The following FAM174A variants were observed in gnomAD, a reference collection of about 807,000 sequenced individuals.
FAM174A encodes family with sequence similarity 174 member A, also known as membrane protein FAM174A.
Under a neutral mutation model 14.3 loss-of-function variants are expected in FAM174A, and 14 were observed. The ratio of observed to expected loss-of-function variants is 0.98; its 90% confidence interval spans 0.65 to 1.53. The LOEUF (loss-of-function observed/expected upper bound fraction) is 1.53. Ranked by LOEUF, FAM174A falls within the 40% of genes most tolerant of loss-of-function variation. The probability of loss-of-function intolerance (pLI) is 0.00; values close to 1 mark genes in which losing one functional copy is unlikely to be tolerated. For synonymous variants in FAM174A, 108 were observed against 111.4 expected (o/e 0.97, Z 0.19); for missense variants, 241 against 249.6 (o/e 0.97, Z 0.23).
intron 2 of FAM174A, among the ~76,000 whole-genome samples, chr5:100,584,099 A>G (rs1480063917): frequency 1.3e-5 from 2 of 152,182 alleles, no homozygotes; most frequent in Non-Finnish European, 2.9e-5. Flanking sequence ...GGGACAAAGC[A>G]TCAGTGGAAC....
At chr5:100,582,656 A>T (rs1747045020) in intron 2 of FAM174A, among the ~76,000 whole-genome samples, 1 of 152,140 alleles carries the variant, frequency 6.6e-6, no homozygotes, top group African/African-American at 2.4e-5. Flanking sequence ...GTTAGGCAAT[A>T]AGAGAGTAAA....
At chr5:100,541,037 A>C (rs1023190492) in intron 1 of FAM174A, among the ~76,000 whole-genome samples, 2 of 152,240 alleles carry the variant, frequency 1.3e-5, no homozygotes, top group Admixed American at 1.3e-4. Flanking sequence ...GGAGATTTGT[A>C]GGACAATGCT....
chr5:100,539,224 T>G (rs1309350260), intron 1 of FAM174A, among the ~76,000 whole-genome samples: 1 of 152,130 alleles, frequency 6.6e-6, no homozygotes, highest in African/African-American at 2.4e-5. Flanking sequence ...AACTGACCAG[T>G]ACTGGGCACT....
intron 2 of FAM174A, among the ~76,000 whole-genome samples, chr5:100,570,916 A>G (rs981997607): frequency 1.3e-5 from 2 of 151,920 alleles, no homozygotes; most frequent in African/African-American, 2.4e-5. Context: ...GAATTTTATC[A>G]TATACTTTTT....
intron 1 of FAM174A, among the ~76,000 whole-genome samples, chr5:100,545,106 G>A (rs1002473407): frequency 6.6e-6 from 1 of 152,132 alleles, no homozygotes; most frequent in African/African-American, 2.4e-5. Context: ...GATCTCCAGT[G>A]CCCATTGTAG....
chr5:100,569,439 A>T (rs565758773), intron 2 of FAM174A, among the ~76,000 whole-genome samples: 1 of 151,802 alleles, frequency 6.6e-6, no homozygotes, highest in Non-Finnish European at 1.5e-5. Flanking sequence ...TGGCTATAGC[A>T]TAATAACCAT....
intron 1 of FAM174A, among the ~76,000 whole-genome samples, chr5:100,547,371 A>C (rs1357982352): frequency 6.6e-6 from 1 of 152,122 alleles, no homozygotes; most frequent in African/African-American, 2.4e-5. Context: ...AAACTAACTA[A>C]AAGCAACAAT....
intron 1 of FAM174A, among the ~76,000 whole-genome samples, chr5:100,546,278 G>T (rs547216950): frequency 1.3e-5 from 2 of 152,102 alleles, no homozygotes; most frequent in Non-Finnish European, 1.5e-5. Context: ...ATGCACAGGA[G>T]CTTTCAAATG....
chr5:100,535,585 C>T lies in FAM174A; in HGVS notation c.55C>T (p.Leu19Phe). 6.2e-7 allele frequency: 1 copy of T among 1,613,308 alleles called. No individual in the cohort carries two copies. Among genetic ancestry groups the T allele is most frequent in the Non-Finnish European group, 8.5e-7 (1 of 1,179,980 alleles). Residue 19 changes from leucine to phenylalanine, a missense_variant, in exon 1 of 3, where the codon CTC (leucine) becomes TTC (phenylalanine). Leu to Phe is a conservative substitution (Grantham distance 22). Transcript: ENST00000312637. ...CLSHLLASVL[L>F]LLLLPELSGP... ...CAGCCACCTCTTGGCTTCCGTCCTC[C>T]TCCTGCTGTTGCTGCCTGAACTAAG...
intron 2 of FAM174A, among the ~76,000 whole-genome samples, chr5:100,566,147 T>TATATAG (rs1746642739): frequency 8.8e-6 from 1 of 114,194 alleles, no homozygotes; most frequent in Non-Finnish European, 1.8e-5. Flanking sequence ...GTATGATATA[T>TATATAG]ATATATATAT....
At chr5:100,585,663 C>G (rs1326768532) in intron 2 of FAM174A, among the ~76,000 whole-genome samples, 1 of 152,180 alleles carries the variant, frequency 6.6e-6, no homozygotes, top group Non-Finnish European at 1.5e-5. Context: ...ATCTGCCTGC[C>G]TTGGCCTCCC....
At position 100,566,141 on chromosome 5, in the gene FAM174A, G is replaced by GATAGATATATATATATATAT. The variant is rs558236562; in HGVS notation, c.569+3956_569+3957insGATATATATATATATATATA. ...ACAGATAAATGAATTTGAAAAGTAT[G>GATAGATATATATATATATAT]ATATATATATATATATATATATATA... On this transcript the variant is annotated intron_variant, in intron 2 of 2. Coordinates refer to ENST00000312637, the MANE Select transcript of FAM174A (RefSeq NM_198507.3). 5.1e-3 allele frequency among the ~76,000 whole-genome samples: 418 copies of GATAGATATATATATATATAT among 81,756 alleles called. 19 individuals carry two copies. The highest frequency in any genetic ancestry group is 9.1e-3 in the Middle Eastern group (1 of 110). 53.6% of individuals were successfully genotyped at this position (81,756 alleles called of 152,430 possible). A position where few individuals can be genotyped will look rare whatever the true frequency, so the allele number is the denominator to read the frequency against.
chr5:100,549,589 T>G (rs2112371861), intron 1 of FAM174A, among the ~76,000 whole-genome samples: 1 of 151,408 alleles, frequency 6.6e-6, no homozygotes, highest in African/African-American at 2.4e-5. Flanking sequence ...GTCCTGAACA[T>G]ACATGAACAC....
intron 1 of FAM174A, among the ~76,000 whole-genome samples, chr5:100,556,664 TG>T (rs1432305855): frequency 6.6e-6 from 1 of 152,164 alleles, no homozygotes; most frequent in East Asian, 1.9e-4. Context: ...TCACGTCCCT[TG>T]TAAGTTAGAT....
At chr5:100,560,677 C>T (rs898011068) in intron 1 of FAM174A, among the ~76,000 whole-genome samples, 2 of 152,026 alleles carry the variant, frequency 1.3e-5, no homozygotes, top group African/African-American at 2.4e-5. Context: ...GCTTCACTGT[C>T]ATGTTTGAGG....
chr5:100,550,936 C>G (rs1407539048), intron 1 of FAM174A, among the ~76,000 whole-genome samples: 1 of 151,798 alleles, frequency 6.6e-6, no homozygotes, highest in Non-Finnish European at 1.5e-5. Context: ...CAAGATGAGG[C>G]TAAAAATGAA....
Position 100,535,435 on chromosome 5 carries a change from A to C in FAM174A, c.-96A>C, listed in dbSNP as rs957835220. The C allele has an allele frequency of 7.3e-7, 1 of 1,362,852 alleles. No individual in the cohort carries two copies. Among genetic ancestry groups the C allele is most frequent in the African/African-American group, 1.4e-5 (1 of 69,032 alleles). 84.4% of individuals were successfully genotyped at this position (1,362,852 alleles called of 1,614,324 possible). On this transcript the variant is annotated 5_prime_UTR_variant, in exon 1 of 3. Transcript: ENST00000312637. The stretch of plus-strand genomic sequence containing the variant: ...CCGGGCCTCTCCCTGGCGTTTGGTC[A>C]CCTCTGCTTCATTCTCCACCGCGCC...
intron 1 of FAM174A, among the ~76,000 whole-genome samples, chr5:100,542,846 A>ATATGTG (rs1554046411): frequency 1.4e-3 from 205 of 150,420 alleles, no homozygotes; most frequent in African/African-American, 4.5e-3. Flanking sequence ...ATATATATAT[A>ATATGTG]TGTGTGTGTG....
At chr5:100,566,556 T>G (rs765731968) in intron 2 of FAM174A, among the ~76,000 whole-genome samples, 9 of 151,930 alleles carry the variant, frequency 5.9e-5, no homozygotes, top group Non-Finnish European at 1.2e-4. Context: ...TAGTGTATAC[T>G]TTTAAGTTTG....
Sources: gnomAD v4.1 joint callset for allele counts (sites outside exome capture counted in the v4.1 genomes callset) on GRCh38, gnomAD v4.1.1 for gene constraint, MANE v1.5 for transcripts, NCBI Gene and HGNC (gene_info 2026-07-23, HGNC 2026-07-21) for gene names.